The following OLFM2 variants were observed in gnomAD, a reference collection of about 807,000 sequenced individuals.
OLFM2 encodes noelin-2.
Under a neutral mutation model 43.9 loss-of-function variants are expected in OLFM2, and 20 were observed. The observed-to-expected ratio is 0.46, with a 90% CI of 0.32 to 0.66. OLFM2 has a LOEUF of 0.66. Among genes scored for constraint, OLFM2 ranks in the 30% least tolerant of loss-of-function variants. The pLI is 0.04. For missense variants in OLFM2, 416 were observed against 643.6 expected, an observed-to-expected ratio of 0.65 and a Z score of 3.83; for synonymous variants, 268 against 278.6, an observed-to-expected ratio of 0.96 and a Z score of 0.38.
At chr19:9,871,375 A>G (rs1260144326) in intron 1 of OLFM2, among the ~76,000 whole-genome samples, 1 of 152,022 alleles carries the variant, frequency 6.6e-6, no homozygotes, top group Admixed American at 6.6e-5. Context: ...GTTCGAATCC[A>G]GCCCGAGCAA....
At chr19:9,930,307 G>A (rs534983712) in intron 1 of OLFM2, among the ~76,000 whole-genome samples, 16 of 152,256 alleles carry the variant, frequency 1.1e-4, no homozygotes, top group African/African-American at 3.6e-4. Flanking sequence ...GATTTTTCTT[G>A]CATCAATTTA....
chr19:9,930,815 T>C (rs909480359), intron 1 of OLFM2, among the ~76,000 whole-genome samples: 4 of 152,086 alleles, frequency 2.6e-5, no homozygotes, highest in Admixed American at 1.3e-4. Context: ...ATCGCACCAC[T>C]GCACTCCAGT....
At chr19:9,861,454 G>A (rs148040561) in intron 1 of OLFM2, among the ~76,000 whole-genome samples, 18 of 152,118 alleles carry the variant, frequency 1.2e-4, no homozygotes, top group Middle Eastern at 3.4e-3. Flanking sequence ...GTGAGCCACC[G>A]TGCCCGGCCA....
chr19:9,921,582 G>A (rs958775706), intron 1 of OLFM2, among the ~76,000 whole-genome samples: 1 of 151,304 alleles, frequency 6.6e-6, no homozygotes, highest in Admixed American at 6.6e-5. Flanking sequence ...TCTGCCTCCC[G>A]GGCTCATGCC....
intron 1 of OLFM2, among the ~76,000 whole-genome samples, chr19:9,895,230 G>C (rs2046673187): frequency 6.6e-6 from 1 of 152,098 alleles, no homozygotes; most frequent in Non-Finnish European, 1.5e-5. Flanking sequence ...GCTTATGCCT[G>C]TTATCCCAGC....
Position 9,854,948 on chromosome 19 carries a change from A to C in OLFM2, c.688-85T>G. 9.5e-7 allele frequency: 1 copy of C among 1,057,776 alleles called. No individual in the cohort carries two copies. 65.5% of individuals were successfully genotyped at this position (1,057,776 alleles called of 1,614,324 possible). A position where few individuals can be genotyped will look rare whatever the true frequency, so the allele number is the denominator to read the frequency against. ...CACCAGCTACAGCCATTAGAGTTCA[A>C]CAGTCACTAAGTGGTCATTAGTCAT... On this transcript the variant is annotated intron_variant, in intron 5 of 5. Transcript: ENST00000264833. This position sits in a 1 kb window ranked among gnomAD's most constrained non-coding sequence, Gnocchi z 9.5.
At chr19:9,905,715 C>T (rs990819948) in intron 1 of OLFM2, among the ~76,000 whole-genome samples, 39 of 152,090 alleles carry the variant, frequency 2.6e-4, no homozygotes, top group Admixed American at 7.2e-4. Context: ...CTCTTGGAAG[C>T]TGTGGATCCT....
chr19:9,881,058 C>T (rs2046535894), intron 1 of OLFM2, among the ~76,000 whole-genome samples: 1 of 152,094 alleles, frequency 6.6e-6, no homozygotes, highest in South Asian at 2.1e-4. Flanking sequence ...CTACCACACC[C>T]GGCAAATTTT....
chr19:9,856,186 C>T lies in OLFM2; in HGVS notation c.687+621G>A, dbSNP rs1194695557. On this transcript the variant is annotated intron_variant, in intron 5 of 5. Coordinates refer to ENST00000264833, the MANE Select transcript of OLFM2 (RefSeq NM_058164.4). This position sits in a 1 kb window ranked among gnomAD's most constrained non-coding sequence, Gnocchi z 4.0. ...CGATCTTGGCTCACTGCAACCTCTG[C>T]CTCCAGGGTTCAAGTGATTCTCCTG... Among the ~76,000 whole-genome samples the T allele has an allele frequency of 1.3e-5, 2 of 152,306 alleles. No homozygotes were observed. The highest frequency in any genetic ancestry group is 1.3e-4 in the Admixed American group (2 of 15,302).
intron 1 of OLFM2, chr19:9,913,488 T>C (rs752885322): frequency 1.8e-6 from 2 of 1,111,730 alleles, no homozygotes; most frequent in Non-Finnish European, 1.1e-6. Context: ...CTCACGATTT[T>C]CTCAGAGGCG....
At chr19:9,924,175 C>A (rs1173492510) in intron 1 of OLFM2, among the ~76,000 whole-genome samples, 8 of 145,572 alleles carry the variant, frequency 5.5e-5, no homozygotes, top group Non-Finnish European at 1.0e-4. Flanking sequence ...CTTTGGGAGG[C>A]CAAGGCAGGC....
At chr19:9,922,930 GA>G (rs887495084) in intron 1 of OLFM2, among the ~76,000 whole-genome samples, 3 of 149,682 alleles carry the variant, frequency 2.0e-5, no homozygotes, top group African/African-American at 7.4e-5. Flanking sequence ...AAAAAAGAAA[GA>G]AAAAAAGAAA....
intron 1 of OLFM2, among the ~76,000 whole-genome samples, chr19:9,918,409 C>A (rs549364999): frequency 2.3e-4 from 35 of 152,010 alleles, no homozygotes; most frequent in Admixed American, 5.2e-4. Context: ...CCGGGCTGGT[C>A]TCAAACTCTT....
At chr19:9,928,965 C>T (rs1298348607) in intron 1 of OLFM2, among the ~76,000 whole-genome samples, 4 of 151,982 alleles carry the variant, frequency 2.6e-5, no homozygotes, top group Admixed American at 2.0e-4. Flanking sequence ...ACCTGTAATC[C>T]CAACTACTTG....
chr19:9,878,925 C>A (rs1331163020), intron 1 of OLFM2, among the ~76,000 whole-genome samples: 1 of 152,114 alleles, frequency 6.6e-6, no homozygotes, highest in African/African-American at 2.4e-5. Flanking sequence ...TGGCTCACTG[C>A]AGCCTCAACC....
chr19:9,900,643 C>G (rs1340742854), intron 1 of OLFM2, among the ~76,000 whole-genome samples: 2 of 151,748 alleles, frequency 1.3e-5, no homozygotes, highest in African/African-American at 4.8e-5. Flanking sequence ...GCTGGTGAAG[C>G]GCTTCGGGTG....
At chr19:9,893,969 A>C (rs933690343) in intron 1 of OLFM2, among the ~76,000 whole-genome samples, 2 of 152,008 alleles carry the variant, frequency 1.3e-5, no homozygotes, top group African/African-American at 4.8e-5. Context: ...ACCAAACCTC[A>C]GGTCAGGAGT....
chr19:9,916,177 TAA>T (rs968675213), intron 1 of OLFM2, among the ~76,000 whole-genome samples: 1 of 151,944 alleles, frequency 6.6e-6, no homozygotes, highest in African/African-American at 2.4e-5. Flanking sequence ...GCCAACATGG[TAA>T]AACCCTGTCT....
intron 1 of OLFM2, among the ~76,000 whole-genome samples, chr19:9,861,977 G>T (rs1404756618): frequency 1.3e-5 from 2 of 149,336 alleles, no homozygotes; most frequent in Non-Finnish European, 3.0e-5. Flanking sequence ...CTGAGACTGC[G>T]CCACTGCGCT....
Sources: allele counts gnomAD v4.1 joint callset (sites outside exome capture counted in the v4.1 genomes callset), GRCh38; gene constraint gnomAD v4.1.1; non-coding constraint Gnocchi (gnomAD v3.1); transcripts MANE v1.5; gene names NCBI Gene and HGNC (gene_info 2026-07-23, HGNC 2026-07-21).